The following NRXN3 variants were observed in gnomAD, a reference collection of about 807,000 sequenced individuals.
The protein encoded by NRXN3 is neurexin 3, also known as neurexin III.
A neutral mutation model predicts 137.6 loss-of-function variants in NRXN3; 32 were observed. The observed-to-expected ratio is 0.23, with a 90% CI of 0.18 to 0.31. The LOEUF (loss-of-function observed/expected upper bound fraction) is 0.31, where lower values mean the gene tolerates loss of function less well. Ranked by LOEUF, NRXN3 falls within the 10% of genes least tolerant of loss-of-function variation. The pLI is 1.00. For synonymous variants in NRXN3, 798 were observed against 784.5 expected, an observed-to-expected ratio of 1.02 and a Z score of -0.29; for missense variants, 1,574 against 2,062.5, an observed-to-expected ratio of 0.76 and a Z score of 4.59.
At chr14:78,725,582 CCA>C (rs1199057266) in intron 8 of NRXN3, among the ~76,000 whole-genome samples, 1 of 152,146 alleles carries the variant, frequency 6.6e-6, no homozygotes, top group African/African-American at 2.4e-5. Flanking sequence ...CTGTGGAAAT[CCA>C]CAAAGTCAAG....
intron 15 of NRXN3, among the ~76,000 whole-genome samples, chr14:79,021,151 A>G (rs1356321025): frequency 6.6e-6 from 1 of 152,180 alleles, no homozygotes; most frequent in Non-Finnish European, 1.5e-5. Context: ...ATGTTATCAT[A>G]TTGAAAATCC....
chr14:78,803,708 C>G lies in NRXN3; in HGVS notation c.2133C>G (p.Phe711Leu). ...VMHTEAEDVS[F>L]RFMSQRAYGL... ...ATACTGAGGCAGAGGATGTGTCCTT[C>G]CGCTTCATGTCCCAGCGAGCTTATG... is the stretch of plus-strand genomic sequence containing the variant. Residue 711 changes from phenylalanine (F) to leucine (L), a missense_variant, in exon 9 of 21, where the codon TTC (phenylalanine) becomes TTG (leucine). Coordinates refer to ENST00000335750, the MANE Select transcript of NRXN3 (RefSeq NM_001330195.2). 1 of 1,614,112 alleles carries G rather than the reference C, an allele frequency of 6.2e-7. No homozygotes were observed. The highest frequency in any genetic ancestry group is 8.5e-7 in the Non-Finnish European group (1 of 1,180,000).
intron 16 of NRXN3, among the ~76,000 whole-genome samples, chr14:79,570,787 G>T (rs1485749902): frequency 6.6e-6 from 1 of 152,192 alleles, no homozygotes; most frequent in Admixed American, 6.6e-5. Flanking sequence ...CAAGGTGCTA[G>T]CCAATTGGCT....
chr14:78,493,563 T>A (rs1275695266), intron 4 of NRXN3, among the ~76,000 whole-genome samples: 6 of 132,092 alleles, frequency 4.5e-5, no homozygotes, highest in Admixed American at 3.1e-4. Flanking sequence ...AATAAATAAA[T>A]AAAAAGAATT....
intron 4 of NRXN3, among the ~76,000 whole-genome samples, chr14:78,635,106 T>A (rs546763672): frequency 6.6e-6 from 1 of 152,326 alleles, no homozygotes; most frequent in East Asian, 1.9e-4. Flanking sequence ...TTTCTCTAGA[T>A]ACTTAAAGGT....
chr14:78,625,422 G>A (rs148175245), intron 4 of NRXN3, among the ~76,000 whole-genome samples: 2 of 152,248 alleles, frequency 1.3e-5, no homozygotes, highest in East Asian at 3.9e-4. Context: ...TTTGGGTTTT[G>A]TTTTGATTTC....
At chr14:79,682,779 T>C (rs1324249127) in intron 17 of NRXN3, among the ~76,000 whole-genome samples, 1 of 152,154 alleles carries the variant, frequency 6.6e-6, no homozygotes, top group Non-Finnish European at 1.5e-5. Context: ...TCTCAAATTA[T>C]AAGCTATAAA....
intron 11 of NRXN3, among the ~76,000 whole-genome samples, chr14:78,963,061 G>C (rs2099411266): frequency 6.6e-6 from 1 of 151,664 alleles, no homozygotes; most frequent in African/African-American, 2.4e-5. Flanking sequence ...GAGTCATCCT[G>C]AACTCCCAGT....
intron 20 of NRXN3, among the ~76,000 whole-genome samples, chr14:79,841,653 C>G (rs559577532): frequency 6.6e-5 from 10 of 152,244 alleles, no homozygotes; most frequent in African/African-American, 2.4e-4. Flanking sequence ...TTGCTTGGCC[C>G]TTTCCTTCCT....
intron 15 of NRXN3, among the ~76,000 whole-genome samples, chr14:79,317,081 A>C (rs2088933516): frequency 6.6e-6 from 1 of 151,870 alleles, no homozygotes; most frequent in African/African-American, 2.4e-5. Context: ...AAGTACAAAA[A>C]ATTAGCTGGG....
chr14:79,639,036 A>C (rs1407701824), intron 16 of NRXN3, among the ~76,000 whole-genome samples: 1 of 152,118 alleles, frequency 6.6e-6, no homozygotes. Context: ...GTTCTATGTC[A>C]TGGGCCTCCT....
chr14:79,018,029 G>GCGGGAGGATCACCTGAGGT (rs2099582241), intron 15 of NRXN3, among the ~76,000 whole-genome samples: 1 of 151,912 alleles, frequency 6.6e-6, no homozygotes, highest in Non-Finnish European at 1.5e-5. Flanking sequence ...GGAGGCTGAG[G>GCGGGAGGATCACCTGAGGT]CGGGAGGATC....
intron 15 of NRXN3, among the ~76,000 whole-genome samples, chr14:79,330,171 A>G (rs1432343199): frequency 6.6e-6 from 1 of 152,104 alleles, no homozygotes; most frequent in Non-Finnish European, 1.5e-5. Flanking sequence ...GAAGTGTCCT[A>G]TCACAGAGAT....
At chr14:79,089,809 G>A (rs879419321) in intron 15 of NRXN3, among the ~76,000 whole-genome samples, 1 of 152,040 alleles carries the variant, frequency 6.6e-6, no homozygotes, top group Non-Finnish European at 1.5e-5. Flanking sequence ...GGACTTGAAA[G>A]AAACACAGAA....
rs564255232 is a variant in NRXN3 at position 78,672,866 on chromosome 14, G to A, written c.1221+21540G>A. 3.9e-5 allele frequency among the ~76,000 whole-genome samples: 6 copies of A among 152,250 alleles called. No homozygotes were observed. The South Asian group carries it at 1.2e-3, about 32-fold the overall frequency. On this transcript the variant is annotated intron_variant, in intron 6 of 20. Transcript: ENST00000335750. Reference sequence around the variant, plus strand: ...GTAAGCCTGGTTCTCATTTCTAAGGGTTTATTATACTGGAGATTTCATGAA... The same window carrying A: ...GTAAGCCTGGTTCTCATTTCTAAGGATTTATTATACTGGAGATTTCATGAA...
intron 16 of NRXN3, among the ~76,000 whole-genome samples, chr14:79,628,844 T>A (rs2098311690): frequency 6.6e-6 from 1 of 152,202 alleles, no homozygotes; most frequent in African/African-American, 2.4e-5. Context: ...TTTCTAATCA[T>A]AGTTATATTT....
chr14:79,103,441 A>T (rs1222722174), intron 15 of NRXN3, among the ~76,000 whole-genome samples: 1 of 152,138 alleles, frequency 6.6e-6, no homozygotes, highest in East Asian at 1.9e-4. Context: ...CAGGAACAAC[A>T]CGTTCTTGGG....
chr14:79,632,490 G>C (rs571677849), intron 16 of NRXN3: 6 of 151,884 alleles, frequency 4.0e-5, no homozygotes, highest in African/African-American at 1.2e-4. Context: ...AAACAAGAAG[G>C]CCAGAGTACC....
intron 16 of NRXN3, 86 bp from the exon 17 acceptor site, chr14:79,663,692 G>C: frequency 1.7e-6 from 2 of 1,187,214 alleles, no homozygotes; most frequent in Non-Finnish European, 2.4e-6. Context: ...GCACCTACAG[G>C]TTTATTGCTG....
Sources: allele counts gnomAD v4.1 joint callset (sites outside exome capture counted in the v4.1 genomes callset), GRCh38; gene constraint gnomAD v4.1.1; transcripts MANE v1.5; gene names NCBI Gene and HGNC (gene_info 2026-07-23, HGNC 2026-07-21).